ADARB2: variants seen among roughly 807,000 people sequenced by gnomAD.
ADARB2 encodes the protein inactive double-stranded RNA-specific editase B2.
A neutral mutation model predicts 62.2 loss-of-function variants in ADARB2; 25 were observed. The ratio of observed to expected loss-of-function variants is 0.40; its 90% CI spans 0.29 to 0.56. The LOEUF (loss-of-function observed/expected upper bound fraction) is 0.56, where lower values mean the gene tolerates loss of function less well. ADARB2 is among the 20% of genes least tolerant of loss of function. The pLI is 0.43. For missense variants in ADARB2, 1,071 were observed against 1,077.4 expected, an observed-to-expected ratio of 0.99 and a Z score of 0.08; for synonymous variants, 572 against 500.8, an observed-to-expected ratio of 1.14 and a Z score of -1.90.
intron 6 of ADARB2, among the ~76,000 whole-genome samples, chr10:1,221,196 G>GT (rs752468880): frequency 6.6e-6 from 1 of 152,188 alleles, no homozygotes; most frequent in Non-Finnish European, 1.5e-5. Context: ...GCCTGAGACA[G>GT]TGAAAGTGTA....
intron 4 of ADARB2, among the ~76,000 whole-genome samples, 155 bp from the exon 5 acceptor site, chr10:1,242,454 C>T (rs574369158): frequency 1.4e-3 from 206 of 152,362 alleles, no homozygotes; most frequent in Admixed American, 2.2e-3. Context: ...TCTGTGTGCT[C>T]CAGGCTGTCA....
chr10:1,608,058 G>A (rs1243961028), intron 1 of ADARB2, among the ~76,000 whole-genome samples: 1 of 152,186 alleles, frequency 6.6e-6, no homozygotes, highest in Non-Finnish European at 1.5e-5. Context: ...GTTTCAGGGG[G>A]ATTCTGAAAG....
intron 4 of ADARB2, among the ~76,000 whole-genome samples, chr10:1,259,355 C>T (rs1290009917): frequency 6.6e-6 from 1 of 152,050 alleles, no homozygotes; most frequent in African/African-American, 2.4e-5. Flanking sequence ...TTAATGAATC[C>T]AGGAGCTGGT....
At chr10:1,463,505 C>G (rs12572582) in intron 1 of ADARB2, among the ~76,000 whole-genome samples, 32,740 of 152,126 alleles carry the variant, frequency 0.22, 4,293 homozygotes, top group Admixed American at 0.39. Flanking sequence ...AAGAAGCGCG[C>G]GTATTCATCT....
intron 3 of ADARB2, among the ~76,000 whole-genome samples, chr10:1,299,243 C>G (rs2387646): frequency 1.3e-5 from 2 of 151,522 alleles, no homozygotes; most frequent in African/African-American, 4.8e-5. Flanking sequence ...AAGCAGAGCC[C>G]GGAAGGCATC....
chr10:1,627,699 G>C (rs1006697228), intron 1 of ADARB2, among the ~76,000 whole-genome samples: 4 of 152,188 alleles, frequency 2.6e-5, no homozygotes, highest in African/African-American at 9.6e-5. Context: ...AGAGACATAG[G>C]GGTTTTCTCT....
At chr10:1,665,019 G>C (rs190348178) in intron 1 of ADARB2, among the ~76,000 whole-genome samples, 3 of 152,104 alleles carry the variant, frequency 2.0e-5, no homozygotes, top group African/African-American at 7.2e-5. Flanking sequence ...GAGTCATGCC[G>C]ACACCTTGAC....
At chr10:1,340,180 C>T (rs952131079) in intron 3 of ADARB2, among the ~76,000 whole-genome samples, 100 of 143,598 alleles carry the variant, frequency 7.0e-4, no homozygotes, top group East Asian at 1.2e-3. Flanking sequence ...CACCCCACAG[C>T]GGCAATAACC....
At chr10:1,532,231 C>T (rs1230923270) in intron 1 of ADARB2, among the ~76,000 whole-genome samples, 4 of 152,086 alleles carry the variant, frequency 2.6e-5, no homozygotes, top group African/African-American at 4.8e-5. Flanking sequence ...GAAGACAGAC[C>T]GTTCTGTGAT....
intron 3 of ADARB2, among the ~76,000 whole-genome samples, chr10:1,277,256 C>T (rs1300943007): frequency 2.0e-5 from 3 of 152,122 alleles, no homozygotes; most frequent in Non-Finnish European, 4.4e-5. Context: ...TAACTAAGAT[C>T]AGAGCAGAAC....
At chr10:1,514,178 AATATATATATAT>A (rs61671460) in intron 1 of ADARB2, among the ~76,000 whole-genome samples, 1 of 94,158 alleles carries the variant, frequency 1.1e-5, no homozygotes, top group Non-Finnish European at 2.2e-5. Context: ...GCTGTCTCAA[AATATATATATAT>A]ATATATGTAT....
chr10:1,643,517 C>T (rs1255770277), intron 1 of ADARB2, among the ~76,000 whole-genome samples: 1 of 152,216 alleles, frequency 6.6e-6, no homozygotes, highest in Admixed American at 6.5e-5. Flanking sequence ...TTTCATCCCC[C>T]AAAAAACAAA....
At chr10:1,610,833 C>A in intron 1 of ADARB2, among the ~76,000 whole-genome samples, 1 of 149,942 alleles carries the variant, frequency 6.7e-6, no homozygotes, top group East Asian at 1.9e-4. Flanking sequence ...CACAGACATG[C>A]ACACACAAAG....
intron 1 of ADARB2, among the ~76,000 whole-genome samples, chr10:1,427,462 C>A (rs1385938606): frequency 6.6e-6 from 1 of 152,178 alleles, no homozygotes; most frequent in Non-Finnish European, 1.5e-5. Flanking sequence ...GGCAAATAGG[C>A]ATATGAAAAG....
intron 8 of ADARB2, among the ~76,000 whole-genome samples, chr10:1,191,354 T>A (rs540108373): frequency 1.5e-4 from 23 of 152,202 alleles, no homozygotes; most frequent in Non-Finnish European, 3.1e-4. Context: ...GTGCACCTGC[T>A]GAGTGAGGGT....
At position 1,223,759 on chromosome 10, in the gene ADARB2, C is replaced by T. The variant is rs1003216978; in HGVS notation, c.1514-6640G>A. Among the ~76,000 whole-genome samples, 11 of 152,258 alleles carry T rather than the reference C, an allele frequency of 7.2e-5. No homozygotes were observed. The South Asian group carries it at 1.2e-3, about 17-fold the overall frequency. ...TTCGTATGTTGAACCAGCCTTGCATCCCAGGGATGAAGCCCACTTGATCAT... is the reference window on the plus strand; with the variant it reads ...TTCGTATGTTGAACCAGCCTTGCATTCCAGGGATGAAGCCCACTTGATCAT... On this transcript the variant is annotated intron_variant, in intron 6 of 9. Coordinates refer to ENST00000381312, the MANE Select transcript of ADARB2 (RefSeq NM_018702.4).
At chr10:1,221,871 A>G (rs1271098062) in intron 6 of ADARB2, among the ~76,000 whole-genome samples, 1 of 152,208 alleles carries the variant, frequency 6.6e-6, no homozygotes, top group Non-Finnish European at 1.5e-5. Flanking sequence ...CAGTGCCACA[A>G]TAAACATGTG....
intron 4 of ADARB2, among the ~76,000 whole-genome samples, chr10:1,243,973 A>T (rs913187230): frequency 6.6e-6 from 1 of 152,230 alleles, no homozygotes; most frequent in Non-Finnish European, 1.5e-5. Context: ...TAATCAGAAC[A>T]GGACACGACC....
intron 2 of ADARB2, 47 bp from the exon 3 acceptor site, chr10:1,363,964 G>A: frequency 7.1e-7 from 1 of 1,417,232 alleles, no homozygotes; most frequent in East Asian, 2.7e-5. Context: ...GGCGCCGGCA[G>A]GTCGATGGGC....
Sources: gnomAD v4.1 joint callset for allele counts (sites outside exome capture counted in the v4.1 genomes callset) on GRCh38, gnomAD v4.1.1 for gene constraint, MANE v1.5 for transcripts, NCBI Gene and HGNC (gene_info 2026-07-23, HGNC 2026-07-21) for gene names.